Variants in CEACAM19 observed in about 807,000 individuals in gnomAD.
CEACAM19 encodes cell adhesion molecule CEACAM19.
A neutral mutation model predicts 37.6 loss-of-function variants in CEACAM19; 37 were observed. The ratio of observed to expected loss-of-function variants is 0.98; its 90% CI spans 0.76 to 1.29. The LOEUF (loss-of-function observed/expected upper bound fraction) is 1.29, where lower values mean the gene tolerates loss of function less well. Ranked by LOEUF, CEACAM19 falls within the 50% of genes most tolerant of loss-of-function variation. The pLI is 0.00. For synonymous variants in CEACAM19, 140 were observed against 149.8 expected, an observed-to-expected ratio of 0.93 and a Z score of 0.48; for missense variants, 340 against 375.6, an observed-to-expected ratio of 0.91 and a Z score of 0.78.
chr19:44,681,061 C>T (rs1010164639), intron 5 of CEACAM19, among the ~76,000 whole-genome samples, 166 bp from the exon 6 acceptor site: 1 of 152,082 alleles, frequency 6.6e-6, no homozygotes, highest in Non-Finnish European at 1.5e-5. Context: ...GAAGGGCAGG[C>T]CTGGGACTGT....
upstream of CEACAM19, among the ~76,000 whole-genome samples, chr19:44,668,390 AT>A (rs1973782742): frequency 1.8e-5 from 1 of 54,570 alleles, no homozygotes; most frequent in African/African-American, 7.4e-5. Flanking sequence ...TATATAATAT[AT>A]TTATATAATA....
rs1015575733 is a variant in CEACAM19 at position 44,682,583 on chromosome 19, C to T, written c.809C>T (p.Pro270Leu). 2.5e-6 allele frequency: 4 copies of T among 1,604,078 alleles called. No homozygotes were observed. Among genetic ancestry groups the T allele is most frequent in the Middle Eastern group, 1.7e-4 (1 of 6,040 alleles). The change falls in exon 7 of 8, where the codon CCA (proline) becomes CTA (leucine). Residue 270 changes from proline to leucine, a missense_variant. Transcript: ENST00000358777. ...INPARPLPTP[P>L]HLQAEPENHQ... ...CCCTTGCAGCCCCTGCCCACACCCCCACACCTGCAGGCGGAGCCAGAGAAC... is the reference window on the plus strand; with the variant it reads ...CCCTTGCAGCCCCTGCCCACACCCCTACACCTGCAGGCGGAGCCAGAGAAC...
intron 3 of CEACAM19, 121 bp from the exon 4 acceptor site, chr19:44,678,732 G>A (rs1435114728): frequency 1.5e-5 from 21 of 1,394,462 alleles, no homozygotes; most frequent in Admixed American, 2.4e-5. Context: ...ACTCAAAACC[G>A]CACACACACC....
rs1462859667 is a variant in CEACAM19, at chr19:44,683,477, T to A, written c.887T>A (p.Val296Glu). ...GACCCTGCCCCCTACTGCCAGCTGG[T>A]GCCAACTTCCTGATGGGTCCTGGGC... The part of the protein sequence containing the change: ...NPDPAPYCQL[V>E]PTS The change falls in exon 8 of 8, where the codon GTG becomes GAG. Residue 296 changes from valine (V) to glutamate (E), a missense_variant. Transcript: ENST00000358777. The A allele has an allele frequency of 6.4e-7, 1 of 1,562,832 alleles. No individual in the cohort carries two copies. The highest frequency in any genetic ancestry group is 1.8e-5 in the Admixed American group (1 of 54,238).
chr19:44,681,980 G>C (rs369710810), intron 6 of CEACAM19, among the ~76,000 whole-genome samples: 2 of 151,970 alleles, frequency 1.3e-5, no homozygotes, highest in East Asian at 3.9e-4. Flanking sequence ...ACTTAGCTGG[G>C]CATGATGGCT....
At chr19:44,670,793 A>C (rs953825987), upstream of CEACAM19, among the ~76,000 whole-genome samples, 14 of 127,028 alleles carry the variant, frequency 1.1e-4, no homozygotes, top group Admixed American at 1.0e-3. Context: ...AAAAAAAAAA[A>C]AAAAAAAAAA....
intron 3 of CEACAM19, 78 bp from the exon 4 acceptor site, chr19:44,678,775 A>T: frequency 6.4e-7 from 1 of 1,553,356 alleles, no homozygotes; most frequent in African/African-American, 1.4e-5. Context: ...ATTTTCCTTC[A>T]TAGGGAAGGA....
chr19:44,672,612 C>T lies in CEACAM19; in HGVS notation c.72C>T (p.Leu24=), dbSNP rs1973875116. The T allele has an allele frequency of 6.8e-7, 1 of 1,477,234 alleles. No individual in the cohort carries two copies. Among genetic ancestry groups the T allele is most frequent in the African/African-American group, 1.4e-5 (1 of 70,040 alleles). 91.5% of individuals were successfully genotyped at this position (1,477,234 alleles called of 1,614,324 possible). A position where few individuals can be genotyped will look rare whatever the true frequency, so the allele number is the denominator to read the frequency against. The part of the protein sequence containing the change: ...SLLLSASILV[L]WMLQGSQAAL... ...TTCCCACAGCCTCAATCCTGGTCCT[C>T]TGGATGCTCCAAGGCTCCCAGGCAG... Residue 24 remains leucine, a synonymous_variant, in exon 2 of 8, where the codon CTC becomes CTT. Transcript: ENST00000358777.
chr19:44,668,943 C>A (rs1353151639), upstream of CEACAM19, among the ~76,000 whole-genome samples: 1 of 146,856 alleles, frequency 6.8e-6, no homozygotes, highest in Middle Eastern at 3.2e-3. Context: ...CCTCAGCCTC[C>A]CGAGTAGCTG....
At position 44,675,893 on chromosome 19, in the gene CEACAM19, C is replaced by T. The variant is rs146621415; in HGVS notation, c.425-378C>T. ...GTATGAAATCCTAGGGAAGCAGCAA[C>T]ATCGAGATATAGGACAGCTAAGGAG... On this transcript the variant is annotated intron_variant, in intron 2 of 7. Transcript: ENST00000358777. Among the ~76,000 whole-genome samples the T allele has an allele frequency of 8.1e-3, 1,229 of 152,016 alleles. 13 individuals carry two copies. The highest frequency in any genetic ancestry group is 0.028 in the African/African-American group (1,152 of 41,470).
At chr19:44,667,082 CCATTCAGTGT>C (rs1973726628), upstream of CEACAM19, 1 of 151,852 alleles carries the variant, frequency 6.6e-6, no homozygotes, top group African/African-American at 2.4e-5. Context: ...GACTCTACAG[CCATTCAGTGT>C]ATAGCTGGGC....
At chr19:44,668,400 TATGTTTATA>T (rs1157066579), upstream of CEACAM19, among the ~76,000 whole-genome samples, 12 of 54,056 alleles carry the variant, frequency 2.2e-4, no homozygotes, top group East Asian at 7.5e-4. Flanking sequence ...ATTTATATAA[TATGTTTATA>T]TATTATATAT....
At chr19:44,675,519 G>A (rs1190057917) in intron 2 of CEACAM19, among the ~76,000 whole-genome samples, 1 of 152,058 alleles carries the variant, frequency 6.6e-6, no homozygotes, top group Admixed American at 6.6e-5. Flanking sequence ...GGGCTCGGTG[G>A]CCACGTCTGT....
At chr19:44,675,855 T>C (rs899782146) in intron 2 of CEACAM19, among the ~76,000 whole-genome samples, 12 of 151,776 alleles carry the variant, frequency 7.9e-5, no homozygotes, top group Non-Finnish European at 1.8e-4. Context: ...AGATTTTGGA[T>C]GTGCTGAGGA....
At chr19:44,666,799 G>A (rs1343331383), upstream of CEACAM19, among the ~76,000 whole-genome samples, 1 of 151,592 alleles carries the variant, frequency 6.6e-6, no homozygotes, top group Non-Finnish European at 1.5e-5. Flanking sequence ...GGGTCACGAG[G>A]GGTGGGGGCA....
chr19:44,678,847 C>G lies in CEACAM19; in HGVS notation c.576-6C>G. ...CCAATTTTCTTCCCCTCTCTTTCCA[C>G]CCTAGACTGCCTGCTCCGAGGGGCC... On this transcript the variant is annotated splice_region_variant and splice_polypyrimidine_tract_variant and intron_variant, in intron 3 of 7. Transcript: ENST00000358777. The G allele has an allele frequency of 6.2e-7, 1 of 1,613,718 alleles. No individual in the cohort carries two copies. The highest frequency in any genetic ancestry group is 2.2e-5 in the East Asian group (1 of 44,856).
upstream of CEACAM19, among the ~76,000 whole-genome samples, chr19:44,668,544 A>AATTATATAATTATATACAT (rs1568512973): frequency 1.2e-3 from 85 of 70,436 alleles, 3 homozygotes; most frequent in African/African-American, 7.5e-3. Flanking sequence ...ATATGTATAT[A>AATTATATAATTATATACAT]ATTATATAAT....
chr19:44,674,311 T>C (rs1386220347), intron 2 of CEACAM19, among the ~76,000 whole-genome samples: 1 of 150,714 alleles, frequency 6.6e-6, no homozygotes, highest in African/African-American at 2.4e-5. Context: ...ATAGATTGTA[T>C]GCCCTTATTT....
At chr19:44,676,463 G>A in intron 3 of CEACAM19, 42 bp downstream of exon 3, 2 of 1,600,000 alleles carry the variant, frequency 1.3e-6, no homozygotes, top group South Asian at 1.1e-5. Flanking sequence ...TGCTCCCACT[G>A]TCTTCTCAAG....
Sources: gnomAD v4.1 joint callset for allele counts (sites outside exome capture counted in the v4.1 genomes callset) on GRCh38, gnomAD v4.1.1 for gene constraint, MANE v1.5 for transcripts, NCBI Gene and HGNC (gene_info 2026-07-23, HGNC 2026-07-21) for gene names.